The following ACCSL variants were observed in gnomAD, a reference collection of about 807,000 sequenced individuals.
The protein encoded by ACCSL is 1-aminocyclopropane-1-carboxylate synthase homolog (inactive) like.
In ACCSL, 55 loss-of-function variants were observed where a neutral mutation model predicts 61.7. The observed-to-expected ratio is 0.89, with a 90% CI of 0.72 to 1.12. ACCSL has a LOEUF of 1.12. ACCSL is among the 50% of genes most tolerant of loss of function. The pLI is 0.00. For synonymous variants in ACCSL, 258 were observed against 264.3 expected (o/e 0.98, Z 0.23); for missense variants, 632 against 698.0 (o/e 0.91, Z 1.07).
intron 2 of ACCSL, 72 bp downstream of exon 2, chr11:44,050,193 T>C (rs80110507): frequency 0.082 from 106,321 of 1,299,944 alleles, 4,935 homozygotes; most frequent in Non-Finnish European, 0.093. Context: ...TCCTGAGCTA[T>C]GGTAGATACA....
At chr11:43,922,815 T>A in the ACCSL span, among the ~76,000 whole-genome samples, 1 of 152,116 alleles carries the variant, frequency 6.6e-6, no homozygotes, top group Non-Finnish European at 1.5e-5. Flanking sequence ...TCACAATACT[T>A]ACCAACACCA....
the ACCSL span, among the ~76,000 whole-genome samples, chr11:44,033,503 G>A: frequency 2.6e-5 from 4 of 152,092 alleles, no homozygotes; most frequent in African/African-American, 9.7e-5. Flanking sequence ...CCATTGACAC[G>A]GCCACCACTG....
the ACCSL span, chr11:44,001,286 T>C: frequency 6.6e-6 from 1 of 151,602 alleles, no homozygotes; most frequent in Non-Finnish European, 1.5e-5. Flanking sequence ...CAAAATGAAA[T>C]TGCAAGCAAG....
the ACCSL span, among the ~76,000 whole-genome samples, chr11:43,955,454 C>A: frequency 6.6e-6 from 1 of 152,128 alleles, no homozygotes. Flanking sequence ...GAGATCACAG[C>A]CTGATAAAGA....
At chr11:44,040,334 T>G in the ACCSL span, among the ~76,000 whole-genome samples, 1 of 152,152 alleles carries the variant, frequency 6.6e-6, no homozygotes, top group Non-Finnish European at 1.5e-5. Context: ...CTGTAGCACT[T>G]GATTAGTTCT....
chr11:43,976,564 G>C, the ACCSL span, among the ~76,000 whole-genome samples: 3 of 152,184 alleles, frequency 2.0e-5, no homozygotes, highest in African/African-American at 7.2e-5. Flanking sequence ...GTCAAAAACA[G>C]GTGTCCTGAC....
At chr11:44,041,615 T>A in the ACCSL span, among the ~76,000 whole-genome samples, 11 of 152,310 alleles carry the variant, frequency 7.2e-5, 1 homozygote, top group Admixed American at 7.2e-4. Context: ...CTCTTGTAGA[T>A]CTTCCTTTAA....
At chr11:43,989,736 A>C in the ACCSL span, among the ~76,000 whole-genome samples, 223 of 152,326 alleles carry the variant, frequency 1.5e-3, 1 homozygote, top group African/African-American at 5.1e-3. Context: ...CTGTCCCACC[A>C]CATCCAGGTC....
At chr11:43,931,892 C>T in the ACCSL span, among the ~76,000 whole-genome samples, 1 of 152,220 alleles carries the variant, frequency 6.6e-6, no homozygotes, top group Non-Finnish European at 1.5e-5. Context: ...GTAATCCCAT[C>T]CAGCCCCAAA....
chr11:43,978,073 G>A, the ACCSL span, among the ~76,000 whole-genome samples: 4 of 141,986 alleles, frequency 2.8e-5, no homozygotes, highest in African/African-American at 8.1e-5. Flanking sequence ...GCAGTGGTAC[G>A]ATCTTGGCTC....
At chr11:44,038,880 C>T in the ACCSL span, among the ~76,000 whole-genome samples, 3 of 152,164 alleles carry the variant, frequency 2.0e-5, no homozygotes, top group African/African-American at 7.2e-5. Flanking sequence ...CTTGTGTCGC[C>T]ACTGTGTCCC....
chr11:43,957,416 G>C, the ACCSL span, among the ~76,000 whole-genome samples: 4 of 152,120 alleles, frequency 2.6e-5, no homozygotes, highest in African/African-American at 9.7e-5. Context: ...TCAATATAAA[G>C]AAATGCTTAA....
the ACCSL span, among the ~76,000 whole-genome samples, chr11:43,928,173 G>A: frequency 6.6e-6 from 1 of 152,162 alleles, no homozygotes; most frequent in African/African-American, 2.4e-5. Context: ...GAGACGGTGG[G>A]GGAGGAAGAT....
intron 8 of ACCSL, among the ~76,000 whole-genome samples, chr11:44,053,742 A>G (rs1952654261): frequency 6.6e-6 from 1 of 152,142 alleles, no homozygotes; most frequent in African/African-American, 2.4e-5. Flanking sequence ...GGCACCTACT[A>G]TCCCAGCTAC....
the ACCSL span, among the ~76,000 whole-genome samples, chr11:43,985,749 C>T: frequency 6.6e-6 from 1 of 152,276 alleles, no homozygotes; most frequent in African/African-American, 2.4e-5. Flanking sequence ...TAACATTTCC[C>T]CTTGGATGTC....
chr11:43,928,307 G>T, the ACCSL span, among the ~76,000 whole-genome samples: 1 of 152,172 alleles, frequency 6.6e-6, no homozygotes, highest in Non-Finnish European at 1.5e-5. Context: ...ATGGTGAAAA[G>T]AAAAGATGTC....
At chr11:44,013,815 A>T in the ACCSL span, among the ~76,000 whole-genome samples, 1 of 152,104 alleles carries the variant, frequency 6.6e-6, no homozygotes. Flanking sequence ...ACTTGAATGT[A>T]AAAAGTAAAA....
the ACCSL span, among the ~76,000 whole-genome samples, chr11:44,034,464 G>T: frequency 1.3e-5 from 2 of 152,148 alleles, no homozygotes; most frequent in Non-Finnish European, 2.9e-5. Context: ...AATTTATAAA[G>T]AAAAAGAGTT....
chr11:43,963,420 G>C, the ACCSL span, among the ~76,000 whole-genome samples: 2 of 152,132 alleles, frequency 1.3e-5, no homozygotes, highest in African/African-American at 2.4e-5. Flanking sequence ...GCCCAAGATC[G>C]TGGGCATGCC....
Sources: gnomAD v4.1 joint callset for allele counts (sites outside exome capture counted in the v4.1 genomes callset) on GRCh38, gnomAD v4.1.1 for gene constraint, MANE v1.5 for transcripts, NCBI Gene and HGNC (gene_info 2026-07-23, HGNC 2026-07-21) for gene names.